The following ZFHX4 variants were observed in gnomAD, a reference collection of about 807,000 sequenced individuals.
The protein encoded by ZFHX4 is zinc finger homeobox protein 4.
ZFHX4 carries 56 observed loss-of-function variants against 267.6 expected under a neutral mutation model. That is an observed-to-expected ratio of 0.21 (90% confidence interval 0.17 to 0.26). ZFHX4 has a LOEUF of 0.26. Ranked by LOEUF, ZFHX4 falls within the 10% of genes least tolerant of loss-of-function variation. The pLI is 1.00. For missense variants in ZFHX4, 4,332 were observed against 4,420.0 expected (o/e 0.98, Z 0.56); for synonymous variants, 1,778 against 1,665.6 (o/e 1.07, Z -1.64).
chr8:76,683,276 C>T (rs1807595419), intron 1 of ZFHX4: 1 of 150,854 alleles, frequency 6.6e-6, no homozygotes, highest in Admixed American at 6.7e-5. Context: ...CACACTCACA[C>T]TCAACACACA....
At chr8:76,730,931 A>G (rs897546946) in intron 3 of ZFHX4, among the ~76,000 whole-genome samples, 1 of 152,180 alleles carries the variant, frequency 6.6e-6, no homozygotes, top group African/African-American at 2.4e-5. Context: ...CCACTGAAGT[A>G]CATGCAGTTG....
At chr8:76,777,289 T>C (rs1350434726) in intron 3 of ZFHX4, among the ~76,000 whole-genome samples, 1 of 152,144 alleles carries the variant, frequency 6.6e-6, no homozygotes, top group East Asian at 1.9e-4. Context: ...AGTTTTTCCA[T>C]TGAAAAAATC....
chr8:76,835,217 ATG>A (rs1303844442), intron 5 of ZFHX4, among the ~76,000 whole-genome samples: 1 of 104,356 alleles, frequency 9.6e-6, no homozygotes, highest in African/African-American at 5.0e-5. Flanking sequence ...GTGTATATAT[ATG>A]TATATATATA....
In ZFHX4 at chr8:76,865,212, C is replaced by T. The variant is rs944750085; in HGVS notation, c.*647C>T. On this transcript the variant is annotated 3_prime_UTR_variant, in exon 11 of 11. Coordinates refer to ENST00000651372, the MANE Select transcript of ZFHX4 (RefSeq NM_024721.5). Reference sequence around the variant, plus strand: ...GGAACAGTGGAATCATGTGTCTGCCCTGTGTATTGCAGTTTGTATTGCCAC... The same window carrying T: ...GGAACAGTGGAATCATGTGTCTGCCTTGTGTATTGCAGTTTGTATTGCCAC... 1.3e-5 allele frequency: 2 copies of T among 152,600 alleles called. No homozygotes were observed. The highest frequency in any genetic ancestry group is 4.8e-5 in the African/African-American group (2 of 41,420). The allele number at this position is 152,600 out of a possible 1,614,324, so 9.5% of individuals were successfully genotyped here.
chr8:76,704,327 T>C lies in ZFHX4; in HGVS notation c.239T>C (p.Ile80Thr), dbSNP rs1196440936. The C allele has an allele frequency of 1.2e-6, 2 of 1,614,016 alleles. No individual in the cohort carries two copies. The highest frequency in any genetic ancestry group is 1.7e-6 in the Non-Finnish European group (2 of 1,179,888). ...AATQVTSAKE[I>T]PCNECATSFP... Reference sequence around the variant, plus strand: ...ACTCAGGTTACCTCAGCAAAGGAGATACCCTGCAACGAATGTGCCACTTCT... The same window carrying C: ...ACTCAGGTTACCTCAGCAAAGGAGACACCCTGCAACGAATGTGCCACTTCT... The change falls in exon 2 of 11, where the codon ATA (isoleucine) becomes ACA (threonine). Residue 80 changes from isoleucine to threonine, a missense_variant. Coordinates refer to ENST00000651372, the MANE Select transcript of ZFHX4 (RefSeq NM_024721.5).
chr8:76,812,846 A>G (rs916207848), intron 4 of ZFHX4, among the ~76,000 whole-genome samples: 3 of 151,550 alleles, frequency 2.0e-5, no homozygotes, highest in African/African-American at 2.4e-5. Flanking sequence ...TTGTTGTTTT[A>G]TAGTTTTTTA....
rs1478857618 is a variant in ZFHX4 at position 76,681,500 on chromosome 8, TA to T, written c.-166del. 29 of 398,570 alleles carry T rather than the reference TA, an allele frequency of 7.3e-5. No homozygotes were observed. The highest frequency in any genetic ancestry group is 2.9e-4 in the African/African-American group (14 of 48,618). The allele number at this position is 398,570 out of a possible 1,614,324, so 24.7% of individuals were successfully genotyped here. A position where few individuals can be genotyped will look rare whatever the true frequency, so the allele number is the denominator to read the frequency against. Reference sequence around the variant, plus strand: ...CCAATAAAGTTCGAGGATTATTTTTTATTTTTTTTGTTTTTTTAATGAACCC... The same window carrying T: ...CCAATAAAGTTCGAGGATTATTTTTTTTTTTTTTGTTTTTTTAATGAACCC... On this transcript the variant is annotated 5_prime_UTR_variant, in exon 1 of 11. Transcript: ENST00000651372.
At chr8:76,765,628 A>G (rs1810032095) in intron 3 of ZFHX4, among the ~76,000 whole-genome samples, 2 of 152,130 alleles carry the variant, frequency 1.3e-5, no homozygotes, top group Non-Finnish European at 1.5e-5. Flanking sequence ...CACTGTTCCT[A>G]TATTATGACT....
intron 4 of ZFHX4, among the ~76,000 whole-genome samples, chr8:76,783,892 A>G (rs1051907326): frequency 2.0e-5 from 3 of 152,010 alleles, no homozygotes; most frequent in Non-Finnish European, 4.4e-5. Flanking sequence ...CCCATTTTGT[A>G]AGCTTTATGT....
intron 1 of ZFHX4, among the ~76,000 whole-genome samples, chr8:76,685,712 G>T (rs547043650): frequency 6.6e-6 from 1 of 152,240 alleles, no homozygotes; most frequent in South Asian, 2.1e-4. Flanking sequence ...GAATTAGCTT[G>T]GTGTGAAAGT....
intron 3 of ZFHX4, among the ~76,000 whole-genome samples, chr8:76,758,875 T>A (rs2131724795): frequency 6.6e-6 from 1 of 152,296 alleles, no homozygotes; most frequent in East Asian, 1.9e-4. Flanking sequence ...TCATTGGTTG[T>A]TCCCTGTTAA....
At chr8:76,784,942 T>C (rs957082318) in intron 4 of ZFHX4, among the ~76,000 whole-genome samples, 3 of 152,100 alleles carry the variant, frequency 2.0e-5, no homozygotes, top group Admixed American at 1.3e-4. Context: ...TTCTACAAAA[T>C]AAAAATATGA....
chr8:76,827,648 A>G (rs945263799), intron 4 of ZFHX4, among the ~76,000 whole-genome samples: 1 of 152,204 alleles, frequency 6.6e-6, no homozygotes, highest in Non-Finnish European at 1.5e-5. Context: ...TGTATAAGTA[A>G]TTTATTGAAA....
intron 3 of ZFHX4, among the ~76,000 whole-genome samples, chr8:76,748,973 A>T (rs980937164): frequency 1.3e-5 from 2 of 152,212 alleles, no homozygotes; most frequent in African/African-American, 4.8e-5. Context: ...ATTACTGTAC[A>T]TCTGTATCAT....
chr8:76,829,852 C>T (rs866174478), intron 4 of ZFHX4, among the ~76,000 whole-genome samples: 6 of 151,978 alleles, frequency 3.9e-5, no homozygotes, highest in Non-Finnish European at 7.4e-5. Flanking sequence ...TGGCATTAAT[C>T]TTGGTTTTTG....
At chr8:76,697,379 A>T (rs923709578) in intron 1 of ZFHX4, among the ~76,000 whole-genome samples, 1 of 152,062 alleles carries the variant, frequency 6.6e-6, no homozygotes, top group African/African-American at 2.4e-5. Context: ...ATAACTTAAT[A>T]AAACCAATTA....
At chr8:76,703,910 C>G (rs1023134283) in intron 1 of ZFHX4, 133 bp from the exon 2 acceptor site, 3 of 649,278 alleles carry the variant, frequency 4.6e-6, no homozygotes, top group South Asian at 2.1e-5. Context: ...TAGATAGGCA[C>G]GCCGGTTTTA....
intron 4 of ZFHX4, among the ~76,000 whole-genome samples, chr8:76,794,429 A>C (rs2131812415): frequency 6.6e-6 from 1 of 152,316 alleles, no homozygotes; most frequent in Non-Finnish European, 1.5e-5. Context: ...AGAATCCAGG[A>C]AAATGTGCTT....
Position 76,705,150 on chromosome 8 carries a change from A to G in ZFHX4, c.1062A>G (p.Ile354Met). The G allele has an allele frequency of 6.2e-7, 1 of 1,613,902 alleles. No individual in the cohort carries two copies. The highest frequency in any genetic ancestry group is 8.5e-7 in the Non-Finnish European group (1 of 1,179,898). ...CCCATTTTTCTACTACAAACCTCAT[A>G]GGACCCGATCCAACCTTCCGCGGTT... ...VYPHFSTTNL[I>M]GPDPTFRGLW... Residue 354 changes from isoleucine to methionine, a missense_variant, in exon 2 of 11, where the codon ATA becomes ATG. Ile to Met is a conservative substitution (Grantham distance 10). Transcript: ENST00000651372.
Sources: allele counts gnomAD v4.1 joint callset (sites outside exome capture counted in the v4.1 genomes callset), GRCh38; gene constraint gnomAD v4.1.1; transcripts MANE v1.5; gene names NCBI Gene and HGNC (gene_info 2026-07-23, HGNC 2026-07-21).